Variants in PCDHGA5 observed in about 807,000 individuals in gnomAD.
PCDHGA5 encodes the protein protocadherin gamma-A5.
In PCDHGA5, 36 loss-of-function variants were observed where a neutral mutation model predicts 56.7. That is an observed-to-expected ratio of 0.64 (90% CI 0.49 to 0.84). The LOEUF is 0.84. Among genes scored for constraint, PCDHGA5 ranks in the 40% least tolerant of loss-of-function variants. The probability of loss-of-function intolerance (pLI) is 0.00; values close to 1 mark genes in which losing one functional copy is unlikely to be tolerated. For synonymous variants in PCDHGA5, 563 were observed against 520.2 expected, an observed-to-expected ratio of 1.08 and a Z score of -1.12; for missense variants, 1,305 against 1,201.5, an observed-to-expected ratio of 1.09 and a Z score of -1.27.
intron 1 of PCDHGA5, chr5:141,398,627 T>C: frequency 6.2e-7 from 1 of 1,614,044 alleles, no homozygotes; most frequent in Non-Finnish European, 8.5e-7. Context: ...TTAAACTCTC[T>C]GCAGAAGTAT....
At chr5:141,384,941 C>G in intron 1 of PCDHGA5, 1 of 1,614,104 alleles carries the variant, frequency 6.2e-7, no homozygotes, top group Non-Finnish European at 8.5e-7. Context: ...CTTGAGCCCT[C>G]CGACGGTCCT....
intron 1 of PCDHGA5, among the ~76,000 whole-genome samples, chr5:141,443,789 A>G (rs1316614117): frequency 6.6e-6 from 1 of 152,234 alleles, no homozygotes; most frequent in East Asian, 1.9e-4. Context: ...GACAAAAAAA[A>G]TGAAAAGGAA....
rs749384821 is a variant in PCDHGA5, at chr5:141,365,585, A to G, written c.1255A>G (p.Asn419Asp). 1.2e-6 allele frequency: 2 copies of G among 1,613,578 alleles called. No homozygotes were observed. The highest frequency in any genetic ancestry group is 1.7e-6 in the Non-Finnish European group (2 of 1,179,888). ...DLDREETSDY[N>D]ITLTVMDHGT... ...GGACAGAGAAGAGACTTCAGATTAT[A>G]ATATCACTTTAACCGTCATGGACCA... The change falls in exon 1 of 4, where the codon AAT becomes GAT. Residue 419 changes from asparagine to aspartate, a missense_variant. Physicochemically the swap from Asn to Asp is conservative, Grantham distance 23 (BLOSUM62 1). Coordinates refer to ENST00000518069, the MANE Select transcript of PCDHGA5 (RefSeq NM_018918.3).
rs1561589443 is a variant in PCDHGA5, at chr5:141,381,835, T to TCTTCTTC, written c.2421+15084_2421+15085insCTTCTTC. Reference sequence around the variant, plus strand: ...TTCTTTCTTTCTTCTTCTTTTTTTTTTTTTTTTTTTTTTGGCAGAGTTTTG... The same window carrying TCTTCTTC: ...TTCTTTCTTTCTTCTTCTTTTTTTTTCTTCTTCTTTTTTTTTTTTTGGCAGAGTTTTG... On this transcript the variant is annotated intron_variant, in intron 1 of 3. Coordinates refer to ENST00000518069, the MANE Select transcript of PCDHGA5 (RefSeq NM_018918.3). 3.4e-3 allele frequency among the ~76,000 whole-genome samples: 481 copies of TCTTCTTC among 141,024 alleles called. 2 individuals carry two copies. Among genetic ancestry groups the TCTTCTTC allele is most frequent in the African/African-American group, 0.012 (438 of 36,478 alleles). The allele number at this position is 141,024 out of a possible 152,430, so 92.5% of individuals were successfully genotyped here. A position where few individuals can be genotyped will look rare whatever the true frequency, so the allele number is the denominator to read the frequency against.
rs1205836590 is a variant in PCDHGA5 at position 141,476,270 on chromosome 5, G to A, written c.2422-18537G>A. The A allele has an allele frequency of 6.2e-7, 1 of 1,614,088 alleles. No individual in the cohort carries two copies. Among genetic ancestry groups the A allele is most frequent in the Admixed American group, 1.7e-5 (1 of 60,026 alleles). Reference sequence around the variant, plus strand: ...GGGTTTCGCTGTGGGCAACGTGGTCGCGAACCTTGGTTTGGATCTCGGTAG... The same window carrying A: ...GGGTTTCGCTGTGGGCAACGTGGTCACGAACCTTGGTTTGGATCTCGGTAG... On this transcript the variant is annotated intron_variant, in intron 1 of 3. Transcript: ENST00000518069. The surrounding 1 kb of genome is among the most constrained non-coding windows in gnomAD (Gnocchi z 7.6).
At chr5:141,404,044 A>G (rs752955570) in intron 1 of PCDHGA5, 3 of 1,613,936 alleles carry the variant, frequency 1.9e-6, no homozygotes, top group South Asian at 1.1e-5. Context: ...CTCAGGGAAC[A>G]GTAATTCTTC....
chr5:141,430,805 C>T (rs1445689047), intron 1 of PCDHGA5: 2 of 1,525,722 alleles, frequency 1.3e-6, no homozygotes, highest in Admixed American at 2.3e-5. Flanking sequence ...GCTTGTCCTG[C>T]TGGGAATCCT....
At chr5:141,418,604 G>A in intron 1 of PCDHGA5, 2 of 1,614,040 alleles carry the variant, frequency 1.2e-6, no homozygotes, top group Non-Finnish European at 1.7e-6. Context: ...CGTGTACAGG[G>A]TTAGCCTTCG....
intron 1 of PCDHGA5, chr5:141,422,140 C>CG (rs1369033587): frequency 6.3e-7 from 1 of 1,586,656 alleles, no homozygotes; most frequent in Non-Finnish European, 8.5e-7. Context: ...AGTTCAAGTA[C>CG]GGGGGTCTCT....
intron 1 of PCDHGA5, chr5:141,383,331 G>T: frequency 1.2e-6 from 2 of 1,613,992 alleles, no homozygotes; most frequent in Non-Finnish European, 1.7e-6. Context: ...AAATAATGGA[G>T]AATACAGCTC....
intron 1 of PCDHGA5, chr5:141,370,499 C>T (rs552448276): frequency 2.5e-6 from 4 of 1,613,946 alleles, no homozygotes; most frequent in Non-Finnish European, 3.4e-6. Flanking sequence ...CGATCCGCTA[C>T]GCTATTCCCG....
intron 1 of PCDHGA5, chr5:141,371,489 C>T (rs548103153): frequency 1.9e-6 from 3 of 1,613,918 alleles, no homozygotes; most frequent in Non-Finnish European, 2.5e-6. Context: ...TGGGGACTGC[C>T]GTTGCCCTGA....
rs142628885 is a variant in PCDHGA5 at position 141,404,093 on chromosome 5, C to T, written c.2421+37342C>T. ...TGACCGAGACTCCGGGAAGAATGGT[C>T]AAGTTGTCTGTTCTATCCAGGAGAA... On this transcript the variant is annotated intron_variant, in intron 1 of 3. Coordinates refer to ENST00000518069, the MANE Select transcript of PCDHGA5 (RefSeq NM_018918.3). The T allele has an allele frequency of 9.4e-5, 152 of 1,613,326 alleles. 2 individuals carry two copies. In the East Asian group the frequency reaches 3.4e-3, roughly 36 times the overall value.
intron 2 of PCDHGA5, among the ~76,000 whole-genome samples, chr5:141,495,936 T>C (rs1329369782): frequency 6.6e-6 from 1 of 152,206 alleles, no homozygotes; most frequent in Non-Finnish European, 1.5e-5. Flanking sequence ...GTCTCTGGTC[T>C]CTGTGCCTGT....
intron 1 of PCDHGA5, chr5:141,422,570 A>G: frequency 6.2e-7 from 1 of 1,614,012 alleles, no homozygotes; most frequent in African/African-American, 1.3e-5. Flanking sequence ...GATGACAACG[A>G]TAACCCTCCC....
intron 2 of PCDHGA5, among the ~76,000 whole-genome samples, chr5:141,504,118 G>A (rs948008198): frequency 6.6e-6 from 1 of 152,096 alleles, no homozygotes; most frequent in African/African-American, 2.4e-5. Flanking sequence ...GTGTGCCAGG[G>A]CTGTTTCCCG....
rs530139788 is a variant in PCDHGA5, at chr5:141,509,165, C to A, written c.2570-1782C>A. On this transcript the variant is annotated intron_variant, in intron 3 of 3. Coordinates refer to ENST00000518069, the MANE Select transcript of PCDHGA5 (RefSeq NM_018918.3). ...TCCCGGCTCTCCCCTCCCGTGTGCC[C>A]TCCTCCTCTTATGCCGGCTTGAAAA... Among the ~76,000 whole-genome samples the A allele has an allele frequency of 1.4e-4, 21 of 152,332 alleles. No individual in the cohort carries two copies. In the South Asian group the frequency reaches 4.1e-3, roughly 30 times the overall value.
At chr5:141,384,411 T>C (rs751134591) in intron 1 of PCDHGA5, 7 of 1,613,860 alleles carry the variant, frequency 4.3e-6, no homozygotes, top group South Asian at 1.1e-5. Flanking sequence ...TGTCCTCCTA[T>C]GTCTCCATAA....
At chr5:141,469,951 T>G (rs1467717372) in intron 1 of PCDHGA5, among the ~76,000 whole-genome samples, 2 of 152,034 alleles carry the variant, frequency 1.3e-5, no homozygotes, top group African/African-American at 4.8e-5. Context: ...GCCAGCATGG[T>G]GAAACCCCAT....
Sources: allele counts gnomAD v4.1 joint callset (sites outside exome capture counted in the v4.1 genomes callset), GRCh38; gene constraint gnomAD v4.1.1; non-coding constraint Gnocchi (gnomAD v3.1); transcripts MANE v1.5; gene names NCBI Gene and HGNC (gene_info 2026-07-23, HGNC 2026-07-21).